Variants in PTCHD4 observed in about 807,000 individuals in gnomAD.
PTCHD4 encodes patched domain-containing protein 4.
A neutral mutation model predicts 58.1 loss-of-function variants in PTCHD4; 33 were observed. The observed-to-expected ratio is 0.57, with a 90% CI of 0.43 to 0.76. The LOEUF (loss-of-function observed/expected upper bound fraction) is 0.76, where lower values mean the gene tolerates loss of function less well. Ranked by LOEUF, PTCHD4 falls within the 30% of genes least tolerant of loss-of-function variation. The probability of loss-of-function intolerance (pLI) is 0.00; values close to 1 mark genes in which losing one functional copy is unlikely to be tolerated. For synonymous variants in PTCHD4, 478 were observed against 409.6 expected (o/e 1.17, Z -2.02); for missense variants, 1,058 against 1,027.1 (o/e 1.03, Z -0.41).
intron 4 of PTCHD4, among the ~76,000 whole-genome samples, chr6:47,903,844 G>A (rs955446779): frequency 6.6e-6 from 1 of 152,202 alleles, no homozygotes; most frequent in Non-Finnish European, 1.5e-5. Context: ...GGGGTTAGAA[G>A]CATCTGGGGT....
chr6:48,031,165 T>C (rs1433847102), intron 3 of PTCHD4, among the ~76,000 whole-genome samples: 3 of 152,130 alleles, frequency 2.0e-5, no homozygotes, highest in Non-Finnish European at 4.4e-5. Context: ...TCCCACCCCT[T>C]GATATCTAGT....
chr6:48,102,378 A>T (rs547155979), intron 1 of PTCHD4, among the ~76,000 whole-genome samples: 25 of 152,324 alleles, frequency 1.6e-4, no homozygotes, highest in African/African-American at 6.0e-4. Context: ...TTACCCTGAG[A>T]TGTAATTTCT....
intron 4 of PTCHD4, among the ~76,000 whole-genome samples, chr6:47,981,863 G>T (rs1445708599): frequency 6.6e-6 from 1 of 152,142 alleles, no homozygotes; most frequent in African/African-American, 2.4e-5. Flanking sequence ...CCATACCGCT[G>T]CATTTCCAGT....
At chr6:47,903,913 T>C (rs990973112) in intron 4 of PTCHD4, among the ~76,000 whole-genome samples, 10 of 152,222 alleles carry the variant, frequency 6.6e-5, no homozygotes, top group African/African-American at 2.2e-4. Flanking sequence ...AGATCACTTT[T>C]AGAAGATGGC....
At chr6:48,060,650 T>G (rs1254543351) in intron 3 of PTCHD4, among the ~76,000 whole-genome samples, 1 of 151,960 alleles carries the variant, frequency 6.6e-6, no homozygotes, top group African/African-American at 2.4e-5. Flanking sequence ...ATTTCTGTAT[T>G]TTTTCATAGA....
At chr6:48,085,938 A>C (rs1739267413) in intron 1 of PTCHD4, among the ~76,000 whole-genome samples, 1 of 152,256 alleles carries the variant, frequency 6.6e-6, no homozygotes, top group East Asian at 1.9e-4. Context: ...TAATTTGACA[A>C]TGAAAGAATC....
At chr6:47,996,319 T>G (rs1425343271) in intron 4 of PTCHD4, among the ~76,000 whole-genome samples, 1 of 151,930 alleles carries the variant, frequency 6.6e-6, no homozygotes, top group East Asian at 1.9e-4. Flanking sequence ...TAATAAAAAT[T>G]CAAAAATTAG....
intron 4 of PTCHD4, among the ~76,000 whole-genome samples, chr6:47,963,490 T>C (rs1767175199): frequency 6.6e-6 from 1 of 152,122 alleles, no homozygotes; most frequent in African/African-American, 2.4e-5. Flanking sequence ...TGAGTACATA[T>C]CCAAAGGAAA....
chr6:47,947,486 C>A (rs1225007916), intron 4 of PTCHD4, among the ~76,000 whole-genome samples: 1 of 151,814 alleles, frequency 6.6e-6, no homozygotes, highest in African/African-American at 2.4e-5. Context: ...ATTAATTCAT[C>A]TTTACTAAAC....
chr6:48,061,676 A>T (rs1358995959), intron 3 of PTCHD4, among the ~76,000 whole-genome samples: 1 of 152,218 alleles, frequency 6.6e-6, no homozygotes, highest in African/African-American at 2.4e-5. Context: ...TATACAAAAC[A>T]CTTTGAGGAG....
At chr6:47,886,198 A>G (rs1288667918) in intron 4 of PTCHD4, among the ~76,000 whole-genome samples, 1 of 150,734 alleles carries the variant, frequency 6.6e-6, no homozygotes, top group East Asian at 1.9e-4. Context: ...TTAATCCTAC[A>G]CTCAATCTCT....
intron 1 of PTCHD4, among the ~76,000 whole-genome samples, chr6:48,101,149 T>A (rs1454059965): frequency 6.6e-6 from 1 of 151,476 alleles, no homozygotes; most frequent in Non-Finnish European, 1.5e-5. Flanking sequence ...AAGAGACACA[T>A]CCCAAACAAA....
chr6:47,884,948 T>C (rs1764136109), intron 4 of PTCHD4, among the ~76,000 whole-genome samples: 1 of 152,182 alleles, frequency 6.6e-6, no homozygotes, highest in African/African-American at 2.4e-5. Flanking sequence ...TTTATAATTG[T>C]TATTTTTTTT....
rs111424967 is a variant in PTCHD4, at chr6:47,946,288, G to T, written c.898+62346C>A. ...CTACATTTATCAATTATTGAGAGAA[G>T]TTCAAATCTTTCACTACAATAGTAA... is the stretch of plus-strand genomic sequence containing the variant. On this transcript the variant is annotated intron_variant, in intron 4 of 4. Transcript: ENST00000339488. Among the ~76,000 whole-genome samples, 1,289 of 152,196 alleles carry T rather than the reference G, an allele frequency of 8.5e-3. 13 individuals carry two copies. Among genetic ancestry groups the T allele is most frequent in the South Asian group, 0.032 (155 of 4,820 alleles).
At chr6:48,049,998 A>C (rs1764174033) in intron 3 of PTCHD4, among the ~76,000 whole-genome samples, 2 of 151,980 alleles carry the variant, frequency 1.3e-5, no homozygotes, top group African/African-American at 4.8e-5. Context: ...TACAAAGCCA[A>C]GTTGTGTTTT....
intron 4 of PTCHD4, among the ~76,000 whole-genome samples, chr6:47,955,949 G>C (rs1326405903): frequency 6.6e-6 from 1 of 152,066 alleles, no homozygotes; most frequent in Non-Finnish European, 1.5e-5. Context: ...CTTTTATTAT[G>C]ATTTATTTTA....
chr6:47,986,231 A>G (rs977870657), intron 4 of PTCHD4, among the ~76,000 whole-genome samples: 6 of 152,162 alleles, frequency 3.9e-5, no homozygotes, highest in African/African-American at 1.4e-4. Context: ...TCAGCCAATT[A>G]TTAAAATTAT....
chr6:47,953,223 A>T (rs1766722711), intron 4 of PTCHD4, among the ~76,000 whole-genome samples: 1 of 152,128 alleles, frequency 6.6e-6, no homozygotes, highest in South Asian at 2.1e-4. Flanking sequence ...GTGACTATAT[A>T]ATTATGCTTG....
At chr6:47,934,449 G>T (rs1208847659) in intron 4 of PTCHD4, among the ~76,000 whole-genome samples, 1 of 146,244 alleles carries the variant, frequency 6.8e-6, no homozygotes, top group East Asian at 2.0e-4. Context: ...ATTAAGCCAA[G>T]AAAAAAAAAA....
Sources: allele counts gnomAD v4.1 joint callset (sites outside exome capture counted in the v4.1 genomes callset), GRCh38; gene constraint gnomAD v4.1.1; transcripts MANE v1.5; gene names NCBI Gene and HGNC (gene_info 2026-07-23, HGNC 2026-07-21).